Variants in C13orf46 observed in about 807,000 individuals in gnomAD.
C13orf46 encodes chromosome 13 open reading frame 46, also known as uncharacterized protein C13orf46.
At chr13:113,960,104 A>C (rs926648646) in intron 6 of C13orf46, among the ~76,000 whole-genome samples, 8,166 of 152,094 alleles carry the variant, frequency 0.054, 664 homozygotes, top group African/African-American at 0.18. Context: ...TACAAAAAAA[A>C]AAATTAGCCA....
chr13:113,952,703 TG>T (rs1475080742), downstream of C13orf46, among the ~76,000 whole-genome samples: 3 of 152,194 alleles, frequency 2.0e-5, no homozygotes, highest in African/African-American at 7.2e-5. Flanking sequence ...AGGGGGAGCC[TG>T]GGCTTCCACC....
downstream of C13orf46, among the ~76,000 whole-genome samples, chr13:113,949,278 T>C: frequency 1.3e-5 from 2 of 152,330 alleles, no homozygotes; most frequent in Middle Eastern, 6.8e-3. Flanking sequence ...CGTAAAGCAC[T>C]TTCCTGAGCC....
downstream of C13orf46, among the ~76,000 whole-genome samples, chr13:113,950,410 T>C: frequency 7.1e-6 from 1 of 141,040 alleles, no homozygotes; most frequent in African/African-American, 2.7e-5. Flanking sequence ...ACCCCCACCT[T>C]GGGGACCTCA....
the C13orf46 span, among the ~76,000 whole-genome samples, chr13:113,945,562 A>AG: frequency 9.8e-6 from 1 of 101,570 alleles, no homozygotes; most frequent in Non-Finnish European, 2.3e-5. Flanking sequence ...AGAAAGAAAG[A>AG]AAGAAAGAAA....
chr13:113,966,484 ATGATGG>A (rs1222151127), intron 5 of C13orf46, among the ~76,000 whole-genome samples: 5 of 150,686 alleles, frequency 3.3e-5, no homozygotes, highest in African/African-American at 4.9e-5. Flanking sequence ...AATGGTGATG[ATGATGG>A]TGATGGTGAT....
At chr13:113,945,601 GAAAGAAGA>G in the C13orf46 span, among the ~76,000 whole-genome samples, 1,161 of 113,928 alleles carry the variant, frequency 0.01, 11 homozygotes, top group Non-Finnish European at 0.016. Context: ...GAGAAAGAAA[GAAAGAAGA>G]AAGAAAGAAA....
chr13:113,968,075 G>C (rs1411721497), intron 4 of C13orf46, among the ~76,000 whole-genome samples: 1 of 152,178 alleles, frequency 6.6e-6, no homozygotes, highest in Non-Finnish European at 1.5e-5. Context: ...ACACAGCTTG[G>C]AGGGAGAACA....
the C13orf46 span, among the ~76,000 whole-genome samples, chr13:113,929,418 G>A: frequency 1.3e-5 from 2 of 152,400 alleles, no homozygotes; most frequent in East Asian, 3.9e-4. Context: ...GCGGGGCTAA[G>A]AGGAGATGAC....
chr13:113,963,178 C>T (rs1235305092), intron 6 of C13orf46, among the ~76,000 whole-genome samples: 1 of 151,350 alleles, frequency 6.6e-6, no homozygotes, highest in East Asian at 1.9e-4. Context: ...AGCCTCCCCG[C>T]TATCCTCAGC....
Position 113,955,808 on chromosome 13 carries a change from G to GAGACGAGGAGCAGCCGGCA in C13orf46, c.*964_*965insTGCCGGCTGCTCCTCGTCT, listed in dbSNP as rs2052524956. 1.3e-5 allele frequency: 2 copies of GAGACGAGGAGCAGCCGGCA among 149,492 alleles called. No homozygotes were observed. The highest frequency in any genetic ancestry group is 2.6e-5 in the African/African-American group (1 of 38,576). 9.3% of individuals were successfully genotyped at this position (149,492 alleles called of 1,614,324 possible). A position where few individuals can be genotyped will look rare whatever the true frequency, so the allele number is the denominator to read the frequency against. On this transcript the variant is annotated 3_prime_UTR_variant, in exon 7 of 7. Transcript: ENST00000636427. ...CCGGCGGAGACGAGGAGCAGCCGGC[G>GAGACGAGGAGCAGCCGGCA]GAGACGAGGAGCAGCCGGTGGAGAC...
chr13:113,972,019 C>T (rs1487744310), intron 1 of C13orf46, among the ~76,000 whole-genome samples: 1 of 152,120 alleles, frequency 6.6e-6, no homozygotes, highest in Admixed American at 6.5e-5. Flanking sequence ...GGACAAGCGG[C>T]CACACAGAAG....
the C13orf46 span, among the ~76,000 whole-genome samples, chr13:113,944,341 C>G: frequency 1.3e-5 from 2 of 152,244 alleles, no homozygotes; most frequent in Non-Finnish European, 2.9e-5. Context: ...GATCCCGGCT[C>G]TGCTGAGGCC....
rs2052524911 is a variant in C13orf46 at position 113,955,807 on chromosome 13, CGG to C, written c.*964_*965del. On this transcript the variant is annotated 3_prime_UTR_variant, in exon 7 of 7. Coordinates refer to ENST00000636427, the MANE Select transcript of C13orf46 (RefSeq NM_001365455.2). ...GCCGGCGGAGACGAGGAGCAGCCGGCGGAGACGAGGAGCAGCCGGTGGAGACG... is the reference window on the plus strand; with the variant it reads ...GCCGGCGGAGACGAGGAGCAGCCGGCAGACGAGGAGCAGCCGGTGGAGACG... 1.7e-5 allele frequency: 2 copies of C among 116,072 alleles called. No individual in the cohort carries two copies. Among genetic ancestry groups the C allele is most frequent in the Non-Finnish European group, 1.8e-5 (1 of 54,340 alleles). The allele number at this position is 116,072 out of a possible 1,614,324, so 7.2% of individuals were successfully genotyped here.
the C13orf46 span, among the ~76,000 whole-genome samples, chr13:113,929,268 C>G: frequency 6.6e-6 from 1 of 152,272 alleles, no homozygotes; most frequent in African/African-American, 2.4e-5. Context: ...CTCCTTCCGT[C>G]TGCCACCTCC....
intron 5 of C13orf46, among the ~76,000 whole-genome samples, chr13:113,965,590 GTGA>G (rs1179734467): frequency 2.0e-5 from 3 of 151,794 alleles, no homozygotes; most frequent in Admixed American, 6.6e-5. Context: ...TATAATGGTG[GTGA>G]TGATGACGGT....
chr13:113,940,241 C>G, the C13orf46 span, among the ~76,000 whole-genome samples: 1 of 152,230 alleles, frequency 6.6e-6, no homozygotes, highest in Admixed American at 6.5e-5. Context: ...AAGCGAAGAG[C>G]AGGAGGCCAG....
In C13orf46 at chr13:113,956,337, A is replaced by AGAG. The variant is rs1555316317; in HGVS notation, c.*433_*435dup. 0.3 allele frequency: 32,359 copies of AGAG among 106,484 alleles called. 5,577 individuals carry two copies. The highest frequency in any genetic ancestry group is 0.39 in the Non-Finnish European group (19,013 of 48,710). The allele number at this position is 106,484 out of a possible 1,614,324, so 6.6% of individuals were successfully genotyped here. On this transcript the variant is annotated 3_prime_UTR_variant, in exon 7 of 7. Transcript: ENST00000636427. Reference sequence around the variant, plus strand: ...GGAGAGGAGGAGTAGTATCTGGTGGAGAGGAGTAGTATCTGGTGGAGAGGA... The same window carrying AGAG: ...GGAGAGGAGGAGTAGTATCTGGTGGAGAGGAGGAGTAGTATCTGGTGGAGAGGA...
intron 1 of C13orf46, among the ~76,000 whole-genome samples, chr13:113,971,569 C>T (rs925831851): frequency 1.3e-5 from 2 of 152,202 alleles, no homozygotes; most frequent in Non-Finnish European, 2.9e-5. Context: ...GGCTGCCCTC[C>T]GTGAGCGCTG....
chr13:113,938,765 A>G, the C13orf46 span, among the ~76,000 whole-genome samples: 2 of 152,148 alleles, frequency 1.3e-5, no homozygotes, highest in Admixed American at 1.3e-4. Flanking sequence ...CACCAGCTGT[A>G]GCTTCTCTCA....
Sources: gnomAD v4.1 joint callset for allele counts (sites outside exome capture counted in the v4.1 genomes callset) on GRCh38, gnomAD v4.1.1 for gene constraint, MANE v1.5 for transcripts, NCBI Gene and HGNC (gene_info 2026-07-23, HGNC 2026-07-21) for gene names.